The following GAB4 variants were observed in gnomAD, a reference collection of about 807,000 sequenced individuals.
GAB4 encodes GRB2 associated binding protein family member 4.
In GAB4, 26 loss-of-function variants were observed where a neutral mutation model predicts 51.3. That is an observed-to-expected ratio of 0.51 (90% confidence interval 0.37 to 0.70). GAB4 has a LOEUF of 0.70. Among genes scored for constraint, GAB4 ranks in the 30% least tolerant of loss-of-function variants. The pLI is 0.00. For synonymous variants in GAB4, 329 were observed against 291.2 expected (o/e 1.13, Z -1.32); for missense variants, 759 against 734.6 (o/e 1.03, Z -0.38).
At chr22:16,977,961 T>C (rs905766593) in intron 3 of GAB4, among the ~76,000 whole-genome samples, 25 of 147,736 alleles carry the variant, frequency 1.7e-4, no homozygotes, top group African/African-American at 6.3e-4. Context: ...AAGGCAGAAA[T>C]AAATAAGTTA....
intron 9 of GAB4, among the ~76,000 whole-genome samples, chr22:16,963,143 G>A (rs576139365): frequency 2.0e-5 from 3 of 152,154 alleles, no homozygotes; most frequent in Non-Finnish European, 2.9e-5. Context: ...ACTGGCCAAG[G>A]CCTTCCCCTC....
In GAB4 at chr22:16,966,357, C is replaced by G. The variant is rs768758099; in HGVS notation, c.1031G>C (p.Arg344Thr). The change falls in exon 6 of 10, where the codon AGA (arginine) becomes ACA (threonine). Residue 344 changes from arginine (R) to threonine (T), a missense_variant. Around this residue, in one of 3 missense-constraint regions of GAB4, gnomAD observed 588 missense variants for 510.2 expected, o/e 1.15. Transcript: ENST00000400588. ...GCTGTCTGACAGGCCCACAAGCGTT[C>G]TTCCTGGCTAGGAAGAGGACAGTGA... is the stretch of plus-strand genomic sequence containing the variant. Reference protein sequence around the residue: ...HEGVCSFLPGRTLVGLSDSIA... With the variant: ...HEGVCSFLPGTTLVGLSDSIA... 1.2e-6 allele frequency: 2 copies of G among 1,611,126 alleles called. No individual in the cohort carries two copies. The highest frequency in any genetic ancestry group is 1.7e-6 in the Non-Finnish European group (2 of 1,178,196).
At position 16,988,950 on chromosome 22, in the gene GAB4, A is replaced by G. The variant is rs542144970; in HGVS notation, c.479-783T>C. Among the ~76,000 whole-genome samples, 117 of 152,168 alleles carry G rather than the reference A, an allele frequency of 7.7e-4. 1 individual carries two copies. The highest frequency in any genetic ancestry group is 3.4e-3 in the Middle Eastern group (1 of 294). On this transcript the variant is annotated intron_variant, in intron 2 of 9. Coordinates refer to ENST00000400588, the MANE Select transcript of GAB4 (RefSeq NM_001037814.1). Reference sequence around the variant, plus strand: ...ACTTTAAGACCTGCTCAAATATCATATTCTCTCTGAAACTTCAGGGACCGA... The same window carrying G: ...ACTTTAAGACCTGCTCAAATATCATGTTCTCTCTGAAACTTCAGGGACCGA...
At chr22:16,963,669 C>G in intron 9 of GAB4, 56 bp downstream of exon 9, 8 of 1,298,846 alleles carry the variant, frequency 6.2e-6, no homozygotes, top group Non-Finnish European at 8.8e-6. Flanking sequence ...CCTGGCCCCA[C>G]AGTCTCTCCC....
At chr22:16,969,562 C>A in intron 4 of GAB4, 1 of 501,788 alleles carries the variant, frequency 2.0e-6, no homozygotes, top group Non-Finnish European at 3.5e-6. Flanking sequence ...CACTGAGAAC[C>A]CGGTGCCACC....
chr22:16,996,452 A>G (rs112480871), intron 1 of GAB4, among the ~76,000 whole-genome samples: 1,605 of 152,210 alleles, frequency 0.011, 36 homozygotes, highest in African/African-American at 0.037. Flanking sequence ...CAAGAAATAC[A>G]AAGACCACCA....
chr22:16,966,602 G>A (rs1433575299), intron 5 of GAB4: 1 of 532,128 alleles, frequency 1.9e-6, no homozygotes, highest in African/African-American at 1.9e-5. Flanking sequence ...CTTTGGAGCA[G>A]CTTCCATGAC....
At chr22:17,002,093 C>T (rs984660418) in intron 1 of GAB4, among the ~76,000 whole-genome samples, 1 of 152,168 alleles carries the variant, frequency 6.6e-6, no homozygotes, top group Non-Finnish European at 1.5e-5. Context: ...AGGGAATTCC[C>T]TGACCCCTTG....
At chr22:16,964,709 G>T in intron 8 of GAB4, 57 bp downstream of exon 8, 1 of 1,251,514 alleles carries the variant, frequency 8.0e-7, no homozygotes, top group Non-Finnish European at 1.2e-6. Context: ...GCGGGGACAT[G>T]AGTGTGGGTC....
At chr22:16,974,597 A>G (rs1321588707) in intron 3 of GAB4, among the ~76,000 whole-genome samples, 1 of 152,226 alleles carries the variant, frequency 6.6e-6, no homozygotes, top group Admixed American at 6.5e-5. Context: ...TGTCAATATC[A>G]ACCCAGAGCT....
chr22:16,983,317 T>C (rs2060841806), intron 3 of GAB4, among the ~76,000 whole-genome samples: 1 of 152,142 alleles, frequency 6.6e-6, no homozygotes, highest in African/African-American at 2.4e-5. Context: ...TTCTCATTCC[T>C]TTCACTCCAC....
intron 2 of GAB4, among the ~76,000 whole-genome samples, chr22:16,989,350 C>G (rs994198652): frequency 2.0e-5 from 3 of 152,214 alleles, no homozygotes; most frequent in African/African-American, 7.2e-5. Context: ...CTTTCTGCCC[C>G]CTGATATCTG....
intron 1 of GAB4, among the ~76,000 whole-genome samples, chr22:17,003,411 T>A (rs1266018683): frequency 6.6e-6 from 1 of 151,878 alleles, no homozygotes; most frequent in Non-Finnish European, 1.5e-5. Context: ...TCACTTATTC[T>A]AAAATTGACT....
At chr22:17,007,847 C>T in intron 1 of GAB4, 94 bp downstream of exon 1, 1 of 1,203,342 alleles carries the variant, frequency 8.3e-7, no homozygotes, top group Non-Finnish European at 1.1e-6. Context: ...ACCCGCAGCT[C>T]CTCCCGTGGA....
intron 3 of GAB4, among the ~76,000 whole-genome samples, chr22:16,987,473 T>C (rs1024965993): frequency 6.6e-6 from 1 of 152,260 alleles, no homozygotes; most frequent in African/African-American, 2.4e-5. Context: ...TTGTGGCTAC[T>C]ATAACTGAGA....
In GAB4 at chr22:16,962,207, G is replaced by C. The variant is rs1453691084; in HGVS notation, c.*526C>G. ...CAGTCTGAAAGTGGGAGCCCTTGCAGGTATCAGCTGCCCTGCTGGTCTAAG... is the reference window on the plus strand; with the variant it reads ...CAGTCTGAAAGTGGGAGCCCTTGCACGTATCAGCTGCCCTGCTGGTCTAAG... On this transcript the variant is annotated 3_prime_UTR_variant, in exon 10 of 10. Coordinates refer to ENST00000400588, the MANE Select transcript of GAB4 (RefSeq NM_001037814.1). 1 of 152,476 alleles carries C rather than the reference G, an allele frequency of 6.6e-6. No homozygotes were observed. Among genetic ancestry groups the C allele is most frequent in the Admixed American group, 6.5e-5 (1 of 15,292 alleles). 9.4% of individuals were successfully genotyped at this position (152,476 alleles called of 1,614,324 possible).
At chr22:16,967,019 T>C (rs1410729961) in intron 5 of GAB4, 1 of 152,312 alleles carries the variant, frequency 6.6e-6, no homozygotes, top group East Asian at 1.9e-4. Context: ...AGAGTGACCT[T>C]GGAAAGACTC....
Position 16,992,077 on chromosome 22 carries a change from G to T in GAB4, c.274C>A (p.Arg92Ser), listed in dbSNP as rs183440296. The T allele has an allele frequency of 2.5e-4, 398 of 1,614,154 alleles. 1 individual carries two copies. Among genetic ancestry groups the T allele is most frequent in the African/African-American group, 1.8e-3 (134 of 75,050 alleles). The change falls in exon 2 of 10, where the codon CGC becomes AGC. Residue 92 changes from arginine (R) to serine (S), a missense_variant. Physicochemically the swap from Arg to Ser is moderately radical, Grantham distance 110 (BLOSUM62 -1). This residue lies in a region of GAB4 where 88 missense variants were observed against 151.3 expected (regional missense o/e 0.58). Transcript: ENST00000400588. ...TCACAGAGGTTCAGGTTGATGGTGCGCAGGGGCTTCTTGGAGCCATCATTC... is the reference window on the plus strand; with the variant it reads ...TCACAGAGGTTCAGGTTGATGGTGCTCAGGGGCTTCTTGGAGCCATCATTC... ...YKNDGSKKPL[R>S]TINLNLCEQL...
At position 16,970,233 on chromosome 22, in the gene GAB4, A is replaced by T. The variant is rs201444917; in HGVS notation, c.687-40T>A. 11 of 1,608,794 alleles carry T rather than the reference A, an allele frequency of 6.8e-6. No individual in the cohort carries two copies. The African/African-American group carries it at 1.3e-4, about 20-fold the overall frequency. ...GAAGGGAAGGGGCAGGGGTGAGAGGAGGCCAGGACTGCCCCAGGGAGGCAG... is the reference window on the plus strand; with the variant it reads ...GAAGGGAAGGGGCAGGGGTGAGAGGTGGCCAGGACTGCCCCAGGGAGGCAG... On this transcript the variant is annotated intron_variant, in intron 3 of 9. Coordinates refer to ENST00000400588, the MANE Select transcript of GAB4 (RefSeq NM_001037814.1).
Sources: gnomAD v4.1 joint callset for allele counts (sites outside exome capture counted in the v4.1 genomes callset) on GRCh38, gnomAD v4.1.1 for gene constraint, gnomAD v4.1.1 regional missense constraint, MANE v1.5 for transcripts, NCBI Gene and HGNC (gene_info 2026-07-23, HGNC 2026-07-21) for gene names.